GFRA1: variants seen among roughly 807,000 people sequenced by gnomAD.
GFRA1 encodes the protein GDNF family receptor alpha-1.
A neutral mutation model predicts 51.6 loss-of-function variants in GFRA1; 16 were observed. That is an observed-to-expected ratio of 0.31 (90% CI 0.21 to 0.47). The LOEUF is 0.47. Among genes scored for constraint, GFRA1 ranks in the 20% least tolerant of loss-of-function variants. The probability of loss-of-function intolerance (pLI) is 1.00; values close to 1 mark genes in which losing one functional copy is unlikely to be tolerated. For synonymous variants in GFRA1, 270 were observed against 241.3 expected, an observed-to-expected ratio of 1.12 and a Z score of -1.10; for missense variants, 530 against 594.3, an observed-to-expected ratio of 0.89 and a Z score of 1.13.
In GFRA1 at chr10:116,161,033, G is replaced by A. The variant is rs866111598; in HGVS notation, c.434-35476C>T. 3.3e-5 allele frequency among the ~76,000 whole-genome samples: 5 copies of A among 152,318 alleles called. No homozygotes were observed. The Middle Eastern group carries it at 0.01, about 311-fold the overall frequency. On this transcript the variant is annotated intron_variant, in intron 5 of 10. Coordinates refer to ENST00000355422, the MANE Select transcript of GFRA1 (RefSeq NM_005264.8). ...TCTCCTGCAGCCAGAGAGACCAGAT[G>A]GCTTTCAACCTGGAGGAGGAGCCTG... is the stretch of plus-strand genomic sequence containing the variant.
chr10:116,258,498 A>G (rs1244475684), intron 4 of GFRA1, among the ~76,000 whole-genome samples: 1 of 149,452 alleles, frequency 6.7e-6, no homozygotes, highest in Admixed American at 6.7e-5. Flanking sequence ...TGTAATATAT[A>G]TATTATATGC....
chr10:116,102,389 T>G lies in GFRA1; in HGVS notation c.771-5625A>C, dbSNP rs117836212. Among the ~76,000 whole-genome samples, 109 of 152,326 alleles carry G rather than the reference T, an allele frequency of 7.2e-4. 1 individual carries two copies. In the East Asian group the frequency reaches 0.011, roughly 16 times the overall value. ...GGATGCAGATGGGACAAGAGGGTAGTGAGTCTATCAGTGAATTAGGCCCCC... is the reference window on the plus strand; with the variant it reads ...GGATGCAGATGGGACAAGAGGGTAGGGAGTCTATCAGTGAATTAGGCCCCC... On this transcript the variant is annotated intron_variant, in intron 6 of 10. Transcript: ENST00000355422.
chr10:116,260,239 C>T (rs965345976), intron 4 of GFRA1, among the ~76,000 whole-genome samples: 2 of 152,230 alleles, frequency 1.3e-5, no homozygotes, highest in Non-Finnish European at 2.9e-5. Context: ...CTGTGTCACA[C>T]TCGCACACAC....
chr10:116,088,883 T>A (rs908640293), intron 9 of GFRA1, among the ~76,000 whole-genome samples: 1 of 117,932 alleles, frequency 8.5e-6, no homozygotes, highest in Non-Finnish European at 1.6e-5. Context: ...ATTGCACCAC[T>A]GCACTCCAGC....
At chr10:116,260,860 G>A (rs1589920633) in intron 4 of GFRA1, among the ~76,000 whole-genome samples, 2 of 152,032 alleles carry the variant, frequency 1.3e-5, no homozygotes, top group African/African-American at 2.4e-5. Flanking sequence ...CTAAATTACA[G>A]GAAGTGGTAA....
At chr10:116,234,845 G>A (rs1431971212) in intron 4 of GFRA1, among the ~76,000 whole-genome samples, 2 of 152,134 alleles carry the variant, frequency 1.3e-5, no homozygotes, top group African/African-American at 4.8e-5. Context: ...CCCGATGGGA[G>A]GTAATTTAAT....
intron 9 of GFRA1, among the ~76,000 whole-genome samples, chr10:116,085,218 A>C (rs763343049): frequency 6.6e-6 from 1 of 152,212 alleles, no homozygotes; most frequent in Non-Finnish European, 1.5e-5. Context: ...TTTGTTGATA[A>C]TTACACTTCG....
At chr10:116,271,765 A>G (rs921261587) in intron 2 of GFRA1, among the ~76,000 whole-genome samples, 2 of 151,940 alleles carry the variant, frequency 1.3e-5, no homozygotes, top group African/African-American at 4.8e-5. Context: ...GTCATTAAAA[A>G]CCACAGGAAA....
chr10:116,232,582 A>G (rs1161059459), intron 4 of GFRA1, among the ~76,000 whole-genome samples: 1 of 152,206 alleles, frequency 6.6e-6, no homozygotes, highest in Admixed American at 6.5e-5. Flanking sequence ...ACCAGAACAA[A>G]AAGCTATTAT....
At chr10:116,228,108 T>C (rs935221360) in intron 4 of GFRA1, among the ~76,000 whole-genome samples, 2 of 152,224 alleles carry the variant, frequency 1.3e-5, no homozygotes, top group African/African-American at 2.4e-5. Context: ...TATTTCTAGA[T>C]GGACTTGTTC....
At chr10:116,145,010 A>G (rs1039638213) in intron 5 of GFRA1, among the ~76,000 whole-genome samples, 2 of 151,536 alleles carry the variant, frequency 1.3e-5, no homozygotes, top group African/African-American at 2.4e-5. Context: ...TTAGCCAGGC[A>G]TGGTGGTGCG....
chr10:116,242,548 C>G (rs1450581984), intron 4 of GFRA1, among the ~76,000 whole-genome samples: 1 of 151,208 alleles, frequency 6.6e-6, no homozygotes, highest in Non-Finnish European at 1.5e-5. Flanking sequence ...GTGGTGCGGT[C>G]TTGGCTCACT....
intron 4 of GFRA1, among the ~76,000 whole-genome samples, chr10:116,233,759 C>T (rs896272795): frequency 1.3e-5 from 2 of 152,172 alleles, no homozygotes; most frequent in Admixed American, 6.5e-5. Flanking sequence ...CCAAACTGGG[C>T]GATGTAAATA....
chr10:116,087,850 T>C (rs1956161739), intron 9 of GFRA1, among the ~76,000 whole-genome samples: 1 of 152,248 alleles, frequency 6.6e-6, no homozygotes, highest in African/African-American at 2.4e-5. Flanking sequence ...TCTGAACACA[T>C]CATTTCCCTG....
rs754519661 is a variant in GFRA1, at chr10:116,064,490, T to C, written c.1306A>G (p.Met436Val). 5.6e-6 allele frequency: 9 copies of C among 1,613,144 alleles called. No homozygotes were observed. Among genetic ancestry groups the C allele is most frequent in the African/African-American group, 2.7e-5 (2 of 74,984 alleles). Residue 436 changes from methionine to valine, a missense_variant, in exon 11 of 11, where the codon ATG becomes GTG. By Grantham distance (21) the Met-to-Val change is conservative. Coordinates refer to ENST00000355422, the MANE Select transcript of GFRA1 (RefSeq NM_005264.8). ...GASSHITTKS[M>V]AAPPSCGLSP... ...AGACCACAGCTTGGAGGAGCAGCCA[T>C]TGATTTTGTGGTTATGTGGCTGGAA...
At chr10:116,136,076 T>G (rs975095122) in intron 5 of GFRA1, among the ~76,000 whole-genome samples, 2 of 152,254 alleles carry the variant, frequency 1.3e-5, no homozygotes, top group Admixed American at 1.3e-4. Context: ...GTGAAATCTT[T>G]TAATGACTTT....
intron 5 of GFRA1, among the ~76,000 whole-genome samples, chr10:116,165,663 T>TCACACACACACACACA (rs71475174): frequency 3.0e-5 from 3 of 99,214 alleles, no homozygotes; most frequent in African/African-American, 1.1e-4. Context: ...TTTCTCTCAC[T>TCACACACACACACACA]CTCACACACA....
At chr10:116,240,984 A>C (rs1277091013) in intron 4 of GFRA1, among the ~76,000 whole-genome samples, 1 of 152,198 alleles carries the variant, frequency 6.6e-6, no homozygotes. Context: ...CAGAGTTGAC[A>C]TCTGAAACCA....
intron 5 of GFRA1, among the ~76,000 whole-genome samples, chr10:116,136,103 A>T (rs1958314691): frequency 6.6e-6 from 1 of 152,224 alleles, no homozygotes; most frequent in Admixed American, 6.5e-5. Flanking sequence ...ACCAGAAAAA[A>T]TATCTCAGAT....
Sources: gnomAD v4.1 joint callset for allele counts (sites outside exome capture counted in the v4.1 genomes callset) on GRCh38, gnomAD v4.1.1 for gene constraint, MANE v1.5 for transcripts, NCBI Gene and HGNC (gene_info 2026-07-23, HGNC 2026-07-21) for gene names.